MAP7D2: variants seen among roughly 807,000 people sequenced by gnomAD.
The protein encoded by MAP7D2 is MAP7 domain containing 2.
Under a neutral mutation model 63.5 loss-of-function variants are expected in MAP7D2, and 33 were observed. That is an observed-to-expected ratio of 0.52 (90% CI 0.39 to 0.70). MAP7D2 has a LOEUF of 0.70. Ranked by LOEUF, MAP7D2 falls within the 30% of genes least tolerant of loss-of-function variation. MAP7D2 has a pLI of 0.00. For synonymous variants in MAP7D2, 224 were observed against 223.7 expected (o/e 1.00, Z -0.01); for missense variants, 626 against 604.0 (o/e 1.04, Z -0.38).
chrX:20,069,720 T>C lies in MAP7D2; in HGVS notation c.131-4915A>G, dbSNP rs370318758. Among the ~76,000 whole-genome samples the C allele has an allele frequency of 1.7e-4, 19 of 110,271 alleles. No individual in the cohort carries two copies. The South Asian group carries it at 3.1e-3, about 18-fold the overall frequency. On this transcript the variant is annotated intron_variant, in intron 1 of 16. Transcript: ENST00000379643. Reference sequence around the variant, plus strand: ...GTTGTGATACTGTTCTATAGTTTTGTAGGATACTACCACTGGGGGAAACCA... The same window carrying C: ...GTTGTGATACTGTTCTATAGTTTTGCAGGATACTACCACTGGGGGAAACCA...
chrX:20,080,949 G>A (rs1242395241), intron 1 of MAP7D2, among the ~76,000 whole-genome samples: 2 of 111,852 alleles, frequency 1.8e-5, no homozygotes, highest in Non-Finnish European at 3.8e-5. Context: ...CAGGAGAAGC[G>A]GTTGCTCAAT....
At chrX:20,042,672 C>A in intron 7 of MAP7D2, 43 bp from the exon 8 acceptor site, 2 of 1,200,181 alleles carry the variant, frequency 1.7e-6, no homozygotes, top group Non-Finnish European at 2.3e-6. Flanking sequence ...ACTGGCACTA[C>A]TTCCACAATT....
At chrX:20,087,570 C>G (rs1250035193) in intron 1 of MAP7D2, among the ~76,000 whole-genome samples, 3 of 111,912 alleles carry the variant, frequency 2.7e-5, no homozygotes, top group Non-Finnish European at 5.6e-5. Flanking sequence ...TATTTTATAG[C>G]AACACAAACA....
chrX:20,056,857 G>A, intron 3 of MAP7D2, 66 bp from the exon 4 acceptor site: 1 of 998,951 alleles, frequency 1.0e-6, no homozygotes, highest in Admixed American at 2.3e-5. Context: ...ACTACCTGCT[G>A]CCTCAGTGCA....
intron 8 of MAP7D2, among the ~76,000 whole-genome samples, chrX:20,035,082 A>T (rs1348361922): frequency 9.0e-6 from 1 of 111,180 alleles, no homozygotes. Flanking sequence ...TCGCCACCTG[A>T]TCTTATCCAT....
In MAP7D2 at chrX:20,042,623, T is replaced by C. The variant is rs2064689497; in HGVS notation, c.886A>G (p.Lys296Glu). 3.3e-6 allele frequency: 4 copies of C among 1,209,362 alleles called. No individual in the cohort carries two copies. Among genetic ancestry groups the C allele is most frequent in the Non-Finnish European group, 4.5e-6 (4 of 894,988 alleles). ...LSGGEASLVE[K>E]VKRGQRTATS... ...GCTGTTCGTTGCCCCCGCTTCACCT[T>C]CTCCACCTGTAGGGGACACAGGATA... The change falls in exon 8 of 17, where the codon AAG (lysine) becomes GAG (glutamate). Residue 296 changes from lysine to glutamate, a missense_variant. Physicochemically the swap from Lys to Glu is moderately conservative, Grantham distance 56. Coordinates refer to ENST00000379643, the MANE Select transcript of MAP7D2 (RefSeq NM_001168465.2).
chrX:20,024,140 G>A (rs1001603877), intron 10 of MAP7D2, among the ~76,000 whole-genome samples: 13 of 112,065 alleles, frequency 1.2e-4, no homozygotes, highest in Non-Finnish European at 2.3e-4. Context: ...ACTCTGTGAT[G>A]AGCCTAACGG....
chrX:20,040,549 C>T (rs144611668), intron 8 of MAP7D2, among the ~76,000 whole-genome samples: 1,431 of 111,590 alleles, frequency 0.013, 24 homozygotes, highest in African/African-American at 0.043. Context: ...AGATCTGTGG[C>T]ACTTCCTTTT....
intron 1 of MAP7D2, among the ~76,000 whole-genome samples, chrX:20,115,259 C>T (rs866304595): frequency 1.0e-5 from 1 of 96,030 alleles, no homozygotes; most frequent in Admixed American, 1.1e-4. Flanking sequence ...AAAAAAAAAA[C>T]CCCTTAAGTT....
In MAP7D2 at chrX:20,064,364, C is replaced by G. The variant is rs555720628; in HGVS notation, c.208+364G>C. Among the ~76,000 whole-genome samples the G allele has an allele frequency of 7.1e-5, 8 of 111,992 alleles. No individual in the cohort carries two copies. In the East Asian group the frequency reaches 2.2e-3, roughly 31 times the overall value. On this transcript the variant is annotated intron_variant, in intron 2 of 16. Coordinates refer to ENST00000379643, the MANE Select transcript of MAP7D2 (RefSeq NM_001168465.2). ...TCAAGTGCTGATTTTCTCAGTTCTC[C>G]TGAGGATGGCCCTTTTAGATTCCCA...
Position 20,052,884 on chromosome X carries a change from C to A in MAP7D2, c.589G>T (p.Asp197Tyr), listed in dbSNP as rs758808275. The A allele has an allele frequency of 1.7e-6, 2 of 1,203,527 alleles. No homozygotes were observed. Among genetic ancestry groups the A allele is most frequent in the East Asian group, 3.0e-5 (1 of 33,851 alleles). ...AGTCTACATGTTCACTTGCCTCGGT[C>A]TGGGGAATAGGATATTGCCACGGTG... ...SSTVAISYSP[D>Y]RAHHMHLSPM... The change falls in exon 5 of 17, where the codon GAC (aspartate) becomes TAC (tyrosine). Residue 197 changes from aspartate (D) to tyrosine (Y), a missense_variant. Transcript: ENST00000379643.
At position 20,011,717 on chromosome X, in the gene MAP7D2, C is replaced by G. The variant is rs369870848; in HGVS notation, c.2072+632G>C. ...CAAAGCCAATCTCACGCTCTGCTTC[C>G]TCTCTAAAGTGAGGCTTCCAATCCA... On this transcript the variant is annotated intron_variant, in intron 15 of 16. Transcript: ENST00000379643. 1.5e-4 allele frequency among the ~76,000 whole-genome samples: 17 copies of G among 112,654 alleles called. No homozygotes were observed. The South Asian group carries it at 2.9e-3, about 19-fold the overall frequency.
At chrX:20,066,703 C>A (rs1388893318) in intron 1 of MAP7D2, among the ~76,000 whole-genome samples, 1 of 111,667 alleles carries the variant, frequency 9.0e-6, no homozygotes, top group Non-Finnish European at 1.9e-5. Context: ...CTCATGCCAT[C>A]CTTTATTCTA....
intron 1 of MAP7D2, among the ~76,000 whole-genome samples, chrX:20,083,483 T>C (rs2065828729): frequency 8.9e-6 from 1 of 112,158 alleles, no homozygotes; most frequent in Non-Finnish European, 1.9e-5. Context: ...TAAAAATAAA[T>C]GATATATGCA....
chrX:20,061,254 C>G (rs1387704105), intron 3 of MAP7D2, among the ~76,000 whole-genome samples: 1 of 110,561 alleles, frequency 9.0e-6, no homozygotes, highest in Non-Finnish European at 1.9e-5. Flanking sequence ...CAGAGGGTTT[C>G]CTTTGAAGAG....
intron 6 of MAP7D2, among the ~76,000 whole-genome samples, chrX:20,047,897 G>C (rs947929226): frequency 9.0e-6 from 1 of 110,713 alleles, no homozygotes; most frequent in Non-Finnish European, 1.9e-5. Flanking sequence ...AGACCTTCTG[G>C]TTAATGAGAT....
At chrX:20,110,345 C>T (rs574661616) in intron 1 of MAP7D2, among the ~76,000 whole-genome samples, 3 of 109,206 alleles carry the variant, frequency 2.7e-5, no homozygotes, top group South Asian at 4.0e-4. Flanking sequence ...AAAAATTAGC[C>T]GAGCGTGCTA....
In MAP7D2 at chrX:20,063,513, C is replaced by A. The variant is rs778971893; in HGVS notation, c.273G>T (p.Met91Ile). The A allele has an allele frequency of 8.2e-7, 1 of 1,212,200 alleles. No homozygotes were observed. Among genetic ancestry groups the A allele is most frequent in the South Asian group, 1.8e-5 (1 of 57,018 alleles). Reference sequence around the variant, plus strand: ...CTTCCAGTTTTCGCCATCGCTCCTCCATTTGCTTTTCGTACTGCAGCCTGG... The same window carrying A: ...CTTCCAGTTTTCGCCATCGCTCCTCAATTTGCTTTTCGTACTGCAGCCTGG... Reference protein sequence around the residue: ...KRARLQYEKQMEERWRKLEEQ... With the variant: ...KRARLQYEKQIEERWRKLEEQ... Residue 91 changes from methionine (M) to isoleucine (I), a missense_variant, in exon 3 of 17, where the codon ATG becomes ATT. By Grantham distance (10) the Met-to-Ile change is conservative. Coordinates refer to ENST00000379643, the MANE Select transcript of MAP7D2 (RefSeq NM_001168465.2).
At chrX:20,081,692 G>A (rs769393541) in intron 1 of MAP7D2, among the ~76,000 whole-genome samples, 2 of 105,521 alleles carry the variant, frequency 1.9e-5, no homozygotes, top group East Asian at 3.0e-4. Context: ...TCACTCGGTC[G>A]CCTAGGCTGG....
Sources: allele counts gnomAD v4.1 joint callset (sites outside exome capture counted in the v4.1 genomes callset), GRCh38; gene constraint gnomAD v4.1.1; transcripts MANE v1.5; gene names NCBI Gene and HGNC (gene_info 2026-07-23, HGNC 2026-07-21).